The following IGSF3 variants were observed in gnomAD, a reference collection of about 807,000 sequenced individuals.
IGSF3 encodes the protein immunoglobulin superfamily member 3.
A neutral mutation model predicts 114.4 loss-of-function variants in IGSF3; 23 were observed. The observed-to-expected ratio is 0.20, with a 90% CI of 0.14 to 0.28. The LOEUF (loss-of-function observed/expected upper bound fraction) is 0.28, where lower values mean the gene tolerates loss of function less well. IGSF3 is among the 10% of genes least tolerant of loss of function. IGSF3 has a pLI of 1.00. For synonymous variants in IGSF3, 571 were observed against 645.2 expected, an observed-to-expected ratio of 0.88 and a Z score of 1.74; for missense variants, 1,172 against 1,591.5, an observed-to-expected ratio of 0.74 and a Z score of 4.48.
At chr1:116,653,905 A>G (rs1051391681) in intron 2 of IGSF3, among the ~76,000 whole-genome samples, 78 of 152,368 alleles carry the variant, frequency 5.1e-4, no homozygotes, top group African/African-American at 1.8e-3. Flanking sequence ...CGTGCTCAGA[A>G]TGTGCTCTTG....
rs1659481622 is a variant in IGSF3 at position 116,579,222 on chromosome 1, G to A, written c.3334+170C>T. On this transcript the variant is annotated intron_variant, in intron 10 of 10. Coordinates refer to ENST00000369486, the MANE Select transcript of IGSF3 (RefSeq NM_001007237.3). This position sits in a 1 kb window ranked among gnomAD's most constrained non-coding sequence, Gnocchi z 6.4. The stretch of plus-strand genomic sequence containing the variant: ...CCTATTTTTGCATGGGTAATCAAGG[G>A]TCAATTATATGAACTAATATGTCCA... 6.6e-6 allele frequency among the ~76,000 whole-genome samples: 1 copy of A among 152,088 alleles called. No individual in the cohort carries two copies. Among genetic ancestry groups the A allele is most frequent in the Non-Finnish European group, 1.5e-5 (1 of 68,026 alleles).
At chr1:116,635,330 C>T (rs1327079361) in intron 2 of IGSF3, among the ~76,000 whole-genome samples, 1 of 152,204 alleles carries the variant, frequency 6.6e-6, no homozygotes, top group Non-Finnish European at 1.5e-5. Flanking sequence ...AAAACAATCC[C>T]TGTTATAGTT....
chr1:116,667,271 C>A (rs1649373657), intron 1 of IGSF3, among the ~76,000 whole-genome samples: 1 of 152,220 alleles, frequency 6.6e-6, no homozygotes, highest in Non-Finnish European at 1.5e-5. Flanking sequence ...CGGGAAGGGG[C>A]TCCGCGGTGG....
Position 116,607,904 on chromosome 1 carries a change from A to G in IGSF3, c.1222+38T>C, listed in dbSNP as rs1466561497. Reference sequence around the variant, plus strand: ...CCCCTACCTCTCCTAAATGATGCTGAGCCAAAGGAGAAGAAAGCAGCACAT... The same window carrying G: ...CCCCTACCTCTCCTAAATGATGCTGGGCCAAAGGAGAAGAAAGCAGCACAT... On this transcript the variant is annotated intron_variant, in intron 5 of 10. Transcript: ENST00000369486. This position sits in a 1 kb window ranked among gnomAD's most constrained non-coding sequence, Gnocchi z 6.1. 4.4e-6 allele frequency: 7 copies of G among 1,599,750 alleles called. No homozygotes were observed. Among genetic ancestry groups the G allele is most frequent in the Non-Finnish European group, 6.0e-6 (7 of 1,170,344 alleles).
intron 2 of IGSF3, among the ~76,000 whole-genome samples, chr1:116,622,134 A>G (rs1187416556): frequency 2.0e-5 from 3 of 152,184 alleles, no homozygotes; most frequent in South Asian, 4.1e-4. Context: ...ACCATTTTAC[A>G]TCTACTTTTC....
rs1049092909 is a variant in IGSF3, at chr1:116,649,841, G to C, written c.43+16443C>G. Among the ~76,000 whole-genome samples the C allele has an allele frequency of 6.6e-6, 1 of 152,150 alleles. No individual in the cohort carries two copies. Among genetic ancestry groups the C allele is most frequent in the African/African-American group, 2.4e-5 (1 of 41,420 alleles). ...TAAACTCACAATTTGAGGTGCTCTA[G>C]AATCTGTCCGTGGAATTAGTCAGGA... On this transcript the variant is annotated intron_variant, in intron 2 of 10. Coordinates refer to ENST00000369486, the MANE Select transcript of IGSF3 (RefSeq NM_001007237.3). The surrounding 1 kb of genome is among the most constrained non-coding windows in gnomAD (Gnocchi z 4.5).
rs549467267 is a variant in IGSF3 at position 116,605,878 on chromosome 1, C to T, written c.1223-1853G>A. Among the ~76,000 whole-genome samples, 16 of 152,276 alleles carry T rather than the reference C, an allele frequency of 1.1e-4. No individual in the cohort carries two copies. The highest frequency in any genetic ancestry group is 3.9e-4 in the East Asian group (2 of 5,184). ...CATCCCCTACTGTCATCCCAGTGGA[C>T]GCTTATCCAAGTCCTGGCTCATTTA... On this transcript the variant is annotated intron_variant, in intron 5 of 10. Transcript: ENST00000369486. This position sits in a 1 kb window ranked among gnomAD's most constrained non-coding sequence, Gnocchi z 5.1.
At chr1:116,622,859 A>G (rs1172826110) in intron 2 of IGSF3, among the ~76,000 whole-genome samples, 1 of 152,362 alleles carries the variant, frequency 6.6e-6, no homozygotes, top group East Asian at 1.9e-4. Context: ...GTGCTCTGTG[A>G]ATATCAGTGA....
intron 4 of IGSF3, among the ~76,000 whole-genome samples, chr1:116,609,229 G>T (rs1264217906): frequency 6.6e-6 from 1 of 151,912 alleles, no homozygotes; most frequent in African/African-American, 2.4e-5. Flanking sequence ...TAAGATCTAG[G>T]TGTTTTTTTA....
At chr1:116,640,721 C>T (rs4044668) in intron 2 of IGSF3, among the ~76,000 whole-genome samples, 32,066 of 151,928 alleles carry the variant, frequency 0.21, 3,732 homozygotes, top group East Asian at 0.43. Flanking sequence ...AAGTGGTTTC[C>T]AACTTTTTAT....
Position 116,634,707 on chromosome 1 carries a change from C to T in IGSF3, c.44-18250G>A, listed in dbSNP as rs1186605843. Among the ~76,000 whole-genome samples the T allele has an allele frequency of 6.6e-6, 1 of 152,142 alleles. No individual in the cohort carries two copies. The highest frequency in any genetic ancestry group is 2.1e-4 in the South Asian group (1 of 4,818). ...CCCATGGCTTTGACACTCCTTCCAT[C>T]GAGAGGGCAGAACCTGTGTTTCCTC... On this transcript the variant is annotated intron_variant, in intron 2 of 10. Transcript: ENST00000369486. This position sits in a 1 kb window ranked among gnomAD's most constrained non-coding sequence, Gnocchi z 4.2.
At chr1:116,622,446 C>T (rs945876245) in intron 2 of IGSF3, among the ~76,000 whole-genome samples, 18 of 151,816 alleles carry the variant, frequency 1.2e-4, no homozygotes, top group Non-Finnish European at 2.6e-4. Flanking sequence ...TGCAAAACTG[C>T]ATATGCAGTA....
chr1:116,590,863 C>G (rs2529796), intron 7 of IGSF3, among the ~76,000 whole-genome samples: 1 of 152,136 alleles, frequency 6.6e-6, no homozygotes, highest in Non-Finnish European at 1.5e-5. Context: ...AAGGATTTAG[C>G]AAGCCAAGGT....
chr1:116,606,918 A>C lies in IGSF3; in HGVS notation c.1222+1024T>G, dbSNP rs1660812674. On this transcript the variant is annotated intron_variant, in intron 5 of 10. Coordinates refer to ENST00000369486, the MANE Select transcript of IGSF3 (RefSeq NM_001007237.3). ...CATGGTTTTTAACAAAATAATAATAAGCATAAAAAGAAAATAATCCAGTTG... is the reference window on the plus strand; with the variant it reads ...CATGGTTTTTAACAAAATAATAATACGCATAAAAAGAAAATAATCCAGTTG... 2.6e-5 allele frequency among the ~76,000 whole-genome samples: 4 copies of C among 152,376 alleles called. No homozygotes were observed. In the South Asian group the frequency reaches 8.3e-4, roughly 32 times the overall value.
chr1:116,632,824 G>A lies in IGSF3; in HGVS notation c.44-16367C>T, dbSNP rs1228852217. Among the ~76,000 whole-genome samples the A allele has an allele frequency of 2.6e-5, 4 of 152,236 alleles. No individual in the cohort carries two copies. Among genetic ancestry groups the A allele is most frequent in the African/African-American group, 9.6e-5 (4 of 41,454 alleles). ...GCAGCGAGAAACAAGTGGGGCCACA[G>A]AGAGAAAGGGGTTTTGAAAAAGTTC... is the stretch of plus-strand genomic sequence containing the variant. On this transcript the variant is annotated intron_variant, in intron 2 of 10. Transcript: ENST00000369486. This position sits in a 1 kb window ranked among gnomAD's most constrained non-coding sequence, Gnocchi z 5.1.
At chr1:116,659,615 G>A (rs1557888712) in intron 2 of IGSF3, among the ~76,000 whole-genome samples, 3 of 151,274 alleles carry the variant, frequency 2.0e-5, no homozygotes, top group Non-Finnish European at 2.9e-5. Flanking sequence ...TTTTTGAGAC[G>A]GGGTCTCGCT....
chr1:116,588,836 G>A lies in IGSF3; in HGVS notation c.2298C>T (p.Ser766=). 2 of 1,614,214 alleles carry A rather than the reference G, an allele frequency of 1.2e-6. No individual in the cohort carries two copies. Among genetic ancestry groups the A allele is most frequent in the Non-Finnish European group, 1.7e-6 (2 of 1,180,002 alleles). ...TGACCTCGGCTCTCTGGACGGTGAG[G>A]CTGAACAGGCCCCCCGACACATGCC... ...FERHVSGGLF[S]LTVQRAEVSD... Residue 766 remains serine, a synonymous_variant, in exon 8 of 11, where the codon AGC becomes AGT. Transcript: ENST00000369486. This position sits in a 1 kb window ranked among gnomAD's most constrained non-coding sequence, Gnocchi z 4.9.
Position 116,631,249 on chromosome 1 carries a change from C to T in IGSF3, c.44-14792G>A, listed in dbSNP as rs568548845. 3.2e-3 allele frequency among the ~76,000 whole-genome samples: 441 copies of T among 138,458 alleles called. 3 individuals are homozygous for T. Among genetic ancestry groups the T allele is most frequent in the African/African-American group, 0.012 (423 of 36,202 alleles). The allele number at this position is 138,458 out of a possible 152,430, so 90.8% of individuals were successfully genotyped here. A position where few individuals can be genotyped will look rare whatever the true frequency, so the allele number is the denominator to read the frequency against. On this transcript the variant is annotated intron_variant, in intron 2 of 10. Transcript: ENST00000369486. ...AGGAGAATGGCGTGAACCCAGGAGGCGGAGCTTGCAGTGAGCCGAGATCGC... is the reference window on the plus strand; with the variant it reads ...AGGAGAATGGCGTGAACCCAGGAGGTGGAGCTTGCAGTGAGCCGAGATCGC...
At chr1:116,601,042 G>A (rs1445152856) in intron 6 of IGSF3, among the ~76,000 whole-genome samples, 1 of 152,166 alleles carries the variant, frequency 6.6e-6, no homozygotes, top group Non-Finnish European at 1.5e-5. Context: ...TGGAAATACT[G>A]TTTAATATTC....
Sources: allele counts gnomAD v4.1 joint callset (sites outside exome capture counted in the v4.1 genomes callset), GRCh38; gene constraint gnomAD v4.1.1; non-coding constraint Gnocchi (gnomAD v3.1); transcripts MANE v1.5; gene names NCBI Gene and HGNC (gene_info 2026-07-23, HGNC 2026-07-21).